YEATS4: variants seen among roughly 807,000 people sequenced by gnomAD.
YEATS4 encodes YEATS domain containing 4, also known as YEATS domain-containing protein 4.
Under a neutral mutation model 30.1 loss-of-function variants are expected in YEATS4, and 17 were observed. The ratio of observed to expected loss-of-function variants is 0.56; its 90% CI spans 0.39 to 0.85. The LOEUF (loss-of-function observed/expected upper bound fraction) is 0.85. Ranked by LOEUF, YEATS4 falls within the 40% of genes least tolerant of loss-of-function variation. The pLI, the probability that YEATS4 is intolerant of heterozygous loss-of-function variation, is 0.00. For synonymous variants in YEATS4, 85 were observed against 87.5 expected (o/e 0.97, Z 0.16); for missense variants, 142 against 268.3 (o/e 0.53, Z 3.29).
At chr12:69,365,513 G>A in intron 2 of YEATS4, 120 bp from the exon 3 acceptor site, 1 of 660,948 alleles carries the variant, frequency 1.5e-6, no homozygotes, top group Non-Finnish European at 2.5e-6. Context: ...TAGAAAATTA[G>A]ATTCCATAAA....
chr12:69,394,819 C>T (rs1273714188), downstream of YEATS4, among the ~76,000 whole-genome samples: 3 of 152,158 alleles, frequency 2.0e-5, no homozygotes, highest in African/African-American at 7.2e-5. Context: ...TGGGCTCAAG[C>T]AATCGGCCCA....
chr12:69,378,236 C>T (rs1481777512), intron 6 of YEATS4, among the ~76,000 whole-genome samples: 1 of 151,518 alleles, frequency 6.6e-6, no homozygotes, highest in Non-Finnish European at 1.5e-5. Flanking sequence ...CCTTTATTTT[C>T]AGTCTACGTG....
the YEATS4 span, chr12:69,401,252 T>C: frequency 6.6e-6 from 1 of 152,148 alleles, no homozygotes; most frequent in Non-Finnish European, 1.5e-5. Context: ...ACTTCACTGA[T>C]AGGAAATACT....
At chr12:69,375,530 A>C (rs1253606987) in intron 6 of YEATS4, among the ~76,000 whole-genome samples, 1 of 152,170 alleles carries the variant, frequency 6.6e-6, no homozygotes, top group Non-Finnish European at 1.5e-5. Flanking sequence ...TAATCTCGGC[A>C]CTTTGGGAGG....
chr12:69,415,986 T>C, the YEATS4 span, among the ~76,000 whole-genome samples: 1 of 152,358 alleles, frequency 6.6e-6, no homozygotes, highest in Admixed American at 6.5e-5. Flanking sequence ...AGTTCACATC[T>C]GTTTTCTATT....
intron 6 of YEATS4, among the ~76,000 whole-genome samples, chr12:69,380,751 C>T (rs143504595): frequency 3.6e-3 from 541 of 152,202 alleles, no homozygotes; most frequent in Non-Finnish European, 5.9e-3. Flanking sequence ...CCCTAAGTGC[C>T]GGCCAGTCTG....
At chr12:69,400,424 T>G in the YEATS4 span, among the ~76,000 whole-genome samples, 1 of 151,134 alleles carries the variant, frequency 6.6e-6, no homozygotes, top group Admixed American at 6.6e-5. Flanking sequence ...TACATTAATA[T>G]GTATGCCATA....
intron 6 of YEATS4, among the ~76,000 whole-genome samples, chr12:69,372,449 G>A (rs1169203896): frequency 1.3e-5 from 2 of 150,220 alleles, no homozygotes; most frequent in East Asian, 1.9e-4. Flanking sequence ...TCTATTTTTT[G>A]TACCAATAAC....
chr12:69,425,024 AT>A, the YEATS4 span, among the ~76,000 whole-genome samples: 1 of 151,998 alleles, frequency 6.6e-6, no homozygotes, highest in African/African-American at 2.4e-5. Flanking sequence ...GGTTCAAGCA[AT>A]TCTCCTGCCT....
At chr12:69,388,374 TG>T (rs1167150340) in intron 6 of YEATS4, among the ~76,000 whole-genome samples, 19 of 152,370 alleles carry the variant, frequency 1.2e-4, no homozygotes, top group African/African-American at 4.1e-4. Flanking sequence ...AAGAGATTGA[TG>T]GAGCCTTAGA....
At chr12:69,384,867 T>C (rs1269944313) in intron 6 of YEATS4, among the ~76,000 whole-genome samples, 1 of 152,134 alleles carries the variant, frequency 6.6e-6, no homozygotes, top group Non-Finnish European at 1.5e-5. Context: ...CCTCAGTAGA[T>C]AAATGGGCAG....
intron 6 of YEATS4, among the ~76,000 whole-genome samples, chr12:69,384,734 C>A (rs1036864062): frequency 6.6e-6 from 1 of 152,010 alleles, no homozygotes; most frequent in African/African-American, 2.4e-5. Flanking sequence ...TAAGGATAGA[C>A]TTTATTAAGT....
the YEATS4 span, among the ~76,000 whole-genome samples, chr12:69,417,298 CA>C: frequency 0.013 from 1,969 of 151,056 alleles, 46 homozygotes; most frequent in African/African-American, 0.045. Context: ...GCTTGGACTA[CA>C]GGTGCATATG....
chr12:69,401,283 T>C, the YEATS4 span: 4 of 152,308 alleles, frequency 2.6e-5, no homozygotes, highest in South Asian at 2.1e-4. Context: ...AGGATGTTCA[T>C]TGCTTGTTTT....
chr12:69,367,540 A>G (rs1875482981), intron 4 of YEATS4, among the ~76,000 whole-genome samples: 1 of 151,644 alleles, frequency 6.6e-6, no homozygotes, highest in Non-Finnish European at 1.5e-5. Context: ...TTAATTTTTT[A>G]TTTTCTGTAG....
chr12:69,413,223 G>T, the YEATS4 span, among the ~76,000 whole-genome samples: 1 of 152,082 alleles, frequency 6.6e-6, no homozygotes, highest in Non-Finnish European at 1.5e-5. Flanking sequence ...GACCAGTCTG[G>T]CCAACAGAGT....
chr12:69,365,626 A>G lies in YEATS4; in HGVS notation c.172-7A>G, dbSNP rs773297754. On this transcript the variant is annotated splice_region_variant and splice_polypyrimidine_tract_variant and intron_variant, in intron 2 of 6. Coordinates refer to ENST00000247843, the MANE Select transcript of YEATS4 (RefSeq NM_006530.4). Reference sequence around the variant, plus strand: ...ATCATAAAACTAACTAATTCCTTATATTTTAGGATATGTCAGCATATGTGA... The same window carrying G: ...ATCATAAAACTAACTAATTCCTTATGTTTTAGGATATGTCAGCATATGTGA... 2 of 1,595,290 alleles carry G rather than the reference A, an allele frequency of 1.3e-6. No homozygotes were observed. Among genetic ancestry groups the G allele is most frequent in the Non-Finnish European group, 1.7e-6 (2 of 1,165,426 alleles).
At chr12:69,394,012 A>G (rs1300088524), downstream of YEATS4, among the ~76,000 whole-genome samples, 2 of 152,182 alleles carry the variant, frequency 1.3e-5, no homozygotes, top group African/African-American at 2.4e-5. Context: ...AATTCTAGCA[A>G]ATTCTTCAGT....
At position 69,386,880 on chromosome 12, in the gene YEATS4, A is replaced by G. The variant is rs536163991; in HGVS notation, c.515-3267A>G. ...TGTTTTTTCCTATACATATATACCT[A>G]TGATAAAGTTTAATTTATAAATTAG... On this transcript the variant is annotated intron_variant, in intron 6 of 6. Coordinates refer to ENST00000247843, the MANE Select transcript of YEATS4 (RefSeq NM_006530.4). Among the ~76,000 whole-genome samples the G allele has an allele frequency of 2.6e-5, 4 of 152,324 alleles. No homozygotes were observed. The East Asian group carries it at 5.8e-4, about 22-fold the overall frequency.
Sources: gnomAD v4.1 joint callset for allele counts (sites outside exome capture counted in the v4.1 genomes callset) on GRCh38, gnomAD v4.1.1 for gene constraint, MANE v1.5 for transcripts, NCBI Gene and HGNC (gene_info 2026-07-23, HGNC 2026-07-21) for gene names.